The following ZZEF1 variants were observed in gnomAD, a reference collection of about 807,000 sequenced individuals.
ZZEF1 encodes zinc finger ZZ-type and EF-hand domain containing 1, also known as zinc finger ZZ-type and EF-hand domain-containing protein 1.
In ZZEF1, 157 loss-of-function variants were observed where a neutral mutation model predicts 342.8. The observed-to-expected ratio is 0.46, with a 90% CI of 0.40 to 0.52. The LOEUF (loss-of-function observed/expected upper bound fraction) is 0.52. ZZEF1 is among the 20% of genes least tolerant of loss of function. The probability of loss-of-function intolerance (pLI) is 0.00; values close to 1 mark genes in which losing one functional copy is unlikely to be tolerated. For synonymous variants in ZZEF1, 1,505 were observed against 1,429.1 expected (o/e 1.05, Z -1.20); for missense variants, 3,480 against 3,725.6 (o/e 0.93, Z 1.72).
intron 16 of ZZEF1, among the ~76,000 whole-genome samples, chr17:4,083,640 T>C (rs9915870): frequency 0.029 from 4,283 of 146,828 alleles, 227 homozygotes; most frequent in African/African-American, 0.099. Flanking sequence ...TTTGTTCCTT[T>C]TTTTTTTTTT....
intron 1 of ZZEF1, among the ~76,000 whole-genome samples, chr17:4,127,903 G>A (rs2058597624): frequency 6.6e-6 from 1 of 152,192 alleles, no homozygotes; most frequent in Non-Finnish European, 1.5e-5. Flanking sequence ...CCCAACGAAA[G>A]GGCCAGCCAG....
chr17:4,075,223 C>A (rs763450475), intron 22 of ZZEF1, 40 bp downstream of exon 22: 13 of 1,613,664 alleles, frequency 8.1e-6, no homozygotes, highest in Non-Finnish European at 1.1e-5. Flanking sequence ...TCATTGCTGA[C>A]CTATTAGCGC....
At chr17:4,103,477 G>A (rs960463364) in intron 8 of ZZEF1, among the ~76,000 whole-genome samples, 2 of 152,122 alleles carry the variant, frequency 1.3e-5, no homozygotes, top group African/African-American at 4.8e-5. Context: ...AACCTGGGAG[G>A]TGGACGCTGC....
chr17:4,057,914 G>T, intron 32 of ZZEF1, 80 bp downstream of exon 32: 1 of 1,438,218 alleles, frequency 7.0e-7, no homozygotes, highest in Non-Finnish European at 9.6e-7. Flanking sequence ...TCCGGAGTCT[G>T]TGCTCTTAAC....
Position 4,142,964 on chromosome 17 carries a change from T to C in ZZEF1, c.-69A>G. 1 of 1,276,044 alleles carries C rather than the reference T, an allele frequency of 7.8e-7. No individual in the cohort carries two copies. Among genetic ancestry groups the C allele is most frequent in the Non-Finnish European group, 9.9e-7 (1 of 1,015,058 alleles). The allele number at this position is 1,276,044 out of a possible 1,614,324, so 79.0% of individuals were successfully genotyped here. A position where few individuals can be genotyped will look rare whatever the true frequency, so the allele number is the denominator to read the frequency against. The stretch of plus-strand genomic sequence containing the variant: ...GCCTCCCCGCCTCGACCTGTCAACC[T>C]CCGACAGCAGCTGGCGGGCGGGGAC... On this transcript the variant is annotated 5_prime_UTR_variant, in exon 1 of 55. Coordinates refer to ENST00000381638, the MANE Select transcript of ZZEF1 (RefSeq NM_015113.4).
At chr17:4,117,648 CAAAAAAA>C (rs61155656) in intron 2 of ZZEF1, among the ~76,000 whole-genome samples, 1 of 89,050 alleles carries the variant, frequency 1.1e-5, no homozygotes, top group Non-Finnish European at 2.1e-5. Flanking sequence ...AACTCCACCT[CAAAAAAA>C]AAAAAAAAAA....
At chr17:4,042,930 C>G (rs2056833424) in intron 38 of ZZEF1, among the ~76,000 whole-genome samples, 2 of 152,328 alleles carry the variant, frequency 1.3e-5, no homozygotes, top group Admixed American at 1.3e-4. Context: ...GATCCGCCCA[C>G]CTTGGCCTCT....
intron 42 of ZZEF1, among the ~76,000 whole-genome samples, chr17:4,031,663 C>T (rs1450415639): frequency 1.3e-5 from 2 of 152,178 alleles, no homozygotes; most frequent in African/African-American, 2.4e-5. Context: ...TCCAGATTGC[C>T]TGGGCCTTGG....
At chr17:4,063,175 T>C (rs1279792973) in intron 29 of ZZEF1, among the ~76,000 whole-genome samples, 2 of 152,224 alleles carry the variant, frequency 1.3e-5, no homozygotes, top group South Asian at 2.1e-4. Context: ...AAAAGGAACA[T>C]TGATATTTTC....
chr17:4,021,134 A>G lies in ZZEF1; in HGVS notation c.7399T>C (p.Phe2467Leu). 6.2e-7 allele frequency: 1 copy of G among 1,610,352 alleles called. No homozygotes were observed. The change falls in exon 45 of 55, where the codon TTC becomes CTC. Residue 2467 changes from phenylalanine to leucine, a missense_variant. This residue lies in a region of ZZEF1 where 1,269 missense variants were observed against 1,342.4 expected (regional missense o/e 0.95). Transcript: ENST00000381638. ...EGLDEPTRIC[F>L]LMAHDALNAP... ...AAGATGACTCAAGAACACACCAAGA[A>G]ACATATTCTGGTGGGCTCATCCAGG...
intron 42 of ZZEF1, among the ~76,000 whole-genome samples, chr17:4,027,388 T>C (rs949623007): frequency 1.4e-5 from 2 of 140,204 alleles, no homozygotes; most frequent in African/African-American, 5.3e-5. Flanking sequence ...TCCGCCTCCC[T>C]GGTTCAAGTG....
chr17:4,102,895 AT>A (rs1195079652), intron 8 of ZZEF1, among the ~76,000 whole-genome samples: 6 of 151,694 alleles, frequency 4.0e-5, no homozygotes, highest in African/African-American at 1.5e-4. Flanking sequence ...GCAAAAAAAA[AT>A]ATATATTTAT....
chr17:4,140,896 A>G (rs1378085250), intron 1 of ZZEF1, among the ~76,000 whole-genome samples: 1 of 144,224 alleles, frequency 6.9e-6, no homozygotes, highest in Non-Finnish European at 1.5e-5. Flanking sequence ...GAGATCTTTC[A>G]CTAACTAATA....
chr17:4,121,261 C>T (rs1238973604), intron 2 of ZZEF1, among the ~76,000 whole-genome samples: 1 of 152,186 alleles, frequency 6.6e-6, no homozygotes, highest in Non-Finnish European at 1.5e-5. Context: ...AAATAAAGCT[C>T]CTGATGCTAT....
At chr17:4,142,509 GC>G in intron 1 of ZZEF1, 32 bp downstream of exon 1, 1 of 1,585,172 alleles carries the variant, frequency 6.3e-7, no homozygotes. Flanking sequence ...CGACCGCCCT[GC>G]CCCATCCCCG....
At chr17:4,031,978 T>C (rs2056558531) in intron 42 of ZZEF1, 148 bp downstream of exon 42, 1 of 807,914 alleles carries the variant, frequency 1.2e-6, no homozygotes, top group Non-Finnish European at 1.9e-6. Flanking sequence ...ATTTCAGAAA[T>C]AAGGAAAAAG....
rs150881766 is a variant in ZZEF1, at chr17:4,007,485, GGT to G, written c.8806-517_8806-516del. On this transcript the variant is annotated intron_variant, in intron 54 of 54. Transcript: ENST00000381638. ...TGTCAGGGAGAAACGTCAGGACACTGGTGCAGTACACTCAACAGGCTGTGGGG... is the reference window on the plus strand; with the variant it reads ...TGTCAGGGAGAAACGTCAGGACACTGGCAGTACACTCAACAGGCTGTGGGG... 5.0e-3 allele frequency among the ~76,000 whole-genome samples: 754 copies of G among 152,250 alleles called. 7 individuals are homozygous for G. Among genetic ancestry groups the G allele is most frequent in the African/African-American group, 0.017 (717 of 41,536 alleles).
chr17:4,132,342 C>T (rs950309752), intron 1 of ZZEF1, among the ~76,000 whole-genome samples: 4 of 152,188 alleles, frequency 2.6e-5, no homozygotes, highest in East Asian at 1.9e-4. Context: ...CGCCACCATA[C>T]GTGGCTAATT....
At chr17:4,100,967 AG>A (rs1370365254) in intron 9 of ZZEF1, among the ~76,000 whole-genome samples, 1 of 152,120 alleles carries the variant, frequency 6.6e-6, no homozygotes, top group African/African-American at 2.4e-5. Flanking sequence ...TTCTTGGGTG[AG>A]GGGAAGGGAA....
Sources: allele counts gnomAD v4.1 joint callset (sites outside exome capture counted in the v4.1 genomes callset), GRCh38; gene constraint gnomAD v4.1.1; regional missense constraint gnomAD v4.1.1; transcripts MANE v1.5; gene names NCBI Gene and HGNC (gene_info 2026-07-23, HGNC 2026-07-21).